The following RYR2 variants were observed in gnomAD, a reference collection of about 807,000 sequenced individuals.
RYR2 encodes ryanodine receptor 2, also known as cardiac muscle ryanodine receptor-calcium release channel.
RYR2 carries 227 observed loss-of-function variants against 601.1 expected under a neutral mutation model. The ratio of observed to expected loss-of-function variants is 0.38; its 90% CI spans 0.34 to 0.42. The LOEUF (loss-of-function observed/expected upper bound fraction) is 0.42, where lower values mean the gene tolerates loss of function less well. RYR2 is among the 10% of genes least tolerant of loss of function. The pLI, the probability that RYR2 is intolerant of heterozygous loss-of-function variation, is 1.00. For synonymous variants in RYR2, 2,223 were observed against 2,175.1 expected, an observed-to-expected ratio of 1.02 and a Z score of -0.61; for missense variants, 4,646 against 6,156.5, an observed-to-expected ratio of 0.75 and a Z score of 8.21.
At position 237,698,966 on chromosome 1, in the gene RYR2, C is replaced by T. The variant is rs1022154690; in HGVS notation, c.9069C>T (p.Gly3023=). Reference sequence around the variant, plus strand: ...TACAGCATTTTGTTTCCTCTTTAGGCAATGATGCAACATCAATTGTCAACT... The same window carrying T: ...TACAGCATTTTGTTTCCTCTTTAGGTAATGATGCAACATCAATTGTCAACT... ...VLVRHRISLF[G]NDATSIVNCL... Residue 3023 remains glycine, a splice_region_variant and synonymous_variant, in exon 64 of 105, where the codon GGC becomes GGT. Coordinates refer to ENST00000366574, the MANE Select transcript of RYR2 (RefSeq NM_001035.3). The T allele has an allele frequency of 6.5e-7, 1 of 1,538,566 alleles. No individual in the cohort carries two copies. Among genetic ancestry groups the T allele is most frequent in the East Asian group, 2.4e-5 (1 of 42,128 alleles).
At chr1:237,821,521 CA>C (rs1291375844) in intron 101 of RYR2, among the ~76,000 whole-genome samples, 1 of 152,114 alleles carries the variant, frequency 6.6e-6, no homozygotes, top group Non-Finnish European at 1.5e-5. Flanking sequence ...ATCCGAAGGT[CA>C]CCAATATCAA....
intron 11 of RYR2, among the ~76,000 whole-genome samples, chr1:237,419,051 A>C (rs1705290374): frequency 6.6e-6 from 1 of 152,008 alleles, no homozygotes; most frequent in Non-Finnish European, 1.5e-5. Flanking sequence ...ATATTTTTTT[A>C]CATTGTGTAT....
At chr1:237,487,848 T>G (rs1662868679) in intron 17 of RYR2, among the ~76,000 whole-genome samples, 1 of 151,854 alleles carries the variant, frequency 6.6e-6, no homozygotes, top group Non-Finnish European at 1.5e-5. Flanking sequence ...TTCTCTGACT[T>G]TATTGTTATA....
At chr1:237,167,154 A>T (rs1218664757) in intron 1 of RYR2, among the ~76,000 whole-genome samples, 1 of 152,222 alleles carries the variant, frequency 6.6e-6, no homozygotes, top group Non-Finnish European at 1.5e-5. Context: ...ATCTGCAGTG[A>T]TGTTCTTGGT....
chr1:237,767,288 GA>G (rs1252721195), intron 84 of RYR2, among the ~76,000 whole-genome samples: 1 of 152,148 alleles, frequency 6.6e-6, no homozygotes, highest in Non-Finnish European at 1.5e-5. Context: ...ATTAGTTACT[GA>G]TGGTAACTTT....
intron 16 of RYR2, among the ~76,000 whole-genome samples, chr1:237,466,361 T>A (rs1660086160): frequency 6.6e-6 from 1 of 152,062 alleles, no homozygotes; most frequent in Non-Finnish European, 1.5e-5. Flanking sequence ...ACAGACTGGG[T>A]CATGCTATGT....
At position 237,733,776 on chromosome 1, in the gene RYR2, G is replaced by C; in HGVS notation, c.11091+20G>C. The C allele has an allele frequency of 1.3e-6, 2 of 1,500,832 alleles. No homozygotes were observed. Among genetic ancestry groups the C allele is most frequent in the Non-Finnish European group, 9.3e-7 (1 of 1,079,014 alleles). The allele number at this position is 1,500,832 out of a possible 1,614,324, so 93.0% of individuals were successfully genotyped here. ...GCAAAGGTAAATAAGTATCCTTCCT[G>C]ATTTTCATGTTTAATTTTAATAAAG... On this transcript the variant is annotated intron_variant, in intron 79 of 104. Transcript: ENST00000366574.
chr1:237,679,150 C>T (rs1013517742), intron 61 of RYR2, among the ~76,000 whole-genome samples: 4 of 152,226 alleles, frequency 2.6e-5, no homozygotes, highest in Admixed American at 2.0e-4. Context: ...TATATATCTC[C>T]GGTCTCTGTG....
At chr1:237,049,230 G>A (rs1164454768) in intron 1 of RYR2, among the ~76,000 whole-genome samples, 2 of 152,184 alleles carry the variant, frequency 1.3e-5, no homozygotes, top group African/African-American at 4.8e-5. Flanking sequence ...GATTAGGGCT[G>A]CCCAAAAGAA....
chr1:237,102,693 T>A (rs1668249706), intron 1 of RYR2, among the ~76,000 whole-genome samples: 1 of 152,012 alleles, frequency 6.6e-6, no homozygotes, highest in South Asian at 2.1e-4. Flanking sequence ...CCTTCTCTAC[T>A]AAAAATACAA....
chr1:237,760,831 T>TAATGAATGGAGACA (rs1693369025), intron 83 of RYR2, 124 bp from the exon 84 acceptor site: 6 of 677,684 alleles, frequency 8.9e-6, no homozygotes, highest in Admixed American at 2.8e-5. Context: ...TGGAGACATG[T>TAATGAATGGAGACA]TTTCAGTGTA....
chr1:237,303,287 G>C (rs891708185), intron 2 of RYR2, among the ~76,000 whole-genome samples: 2 of 137,910 alleles, frequency 1.5e-5, no homozygotes, highest in African/African-American at 5.9e-5. Context: ...TAGCTCTGCG[G>C]TTATCTTTTT....
rs961624678 is a variant in RYR2 at position 237,217,395 on chromosome 1, A to G, written c.49-53102A>G. 2.0e-5 allele frequency among the ~76,000 whole-genome samples: 3 copies of G among 151,406 alleles called. No homozygotes were observed. The South Asian group carries it at 6.3e-4, about 32-fold the overall frequency. ...TAAAGTGACCATAGGAATATTTGGGAAATTTTACTTTTGGATATCAGCTAG... is the reference window on the plus strand; with the variant it reads ...TAAAGTGACCATAGGAATATTTGGGGAATTTTACTTTTGGATATCAGCTAG... On this transcript the variant is annotated intron_variant, in intron 1 of 104. Transcript: ENST00000366574.
intron 29 of RYR2, among the ~76,000 whole-genome samples, chr1:237,578,325 T>A (rs1273966982): frequency 2.0e-5 from 3 of 152,134 alleles, no homozygotes; most frequent in African/African-American, 4.8e-5. Flanking sequence ...CAGGTACAGG[T>A]CATAGTAGTA....
At chr1:237,186,935 T>C (rs1423162904) in intron 1 of RYR2, among the ~76,000 whole-genome samples, 1 of 152,186 alleles carries the variant, frequency 6.6e-6, no homozygotes, top group Non-Finnish European at 1.5e-5. Flanking sequence ...GGCCTTGAGC[T>C]CCTTCCACTG....
At chr1:237,472,664 G>C (rs906447999) in intron 17 of RYR2, among the ~76,000 whole-genome samples, 1 of 142,852 alleles carries the variant, frequency 7.0e-6, no homozygotes, top group Admixed American at 7.4e-5. Flanking sequence ...TTTAGAATGT[G>C]TGATAGGATA....
Position 237,819,004 on chromosome 1 carries a change from C to A in RYR2, c.14434-32C>A. 6.3e-7 allele frequency: 1 copy of A among 1,587,482 alleles called. No individual in the cohort carries two copies. Among genetic ancestry groups the A allele is most frequent in the South Asian group, 1.1e-5 (1 of 87,754 alleles). ...CGAGAAAAAAAAATGGGTAATGTCC[C>A]TCCAAGAAGTGATACCATGTCTTTT... On this transcript the variant is annotated intron_variant, in intron 100 of 104. Transcript: ENST00000366574. This position sits in a 1 kb window ranked among gnomAD's most constrained non-coding sequence, Gnocchi z 4.0.
intron 3 of RYR2, among the ~76,000 whole-genome samples, chr1:237,346,408 A>C (rs1698320743): frequency 6.6e-6 from 1 of 150,908 alleles, no homozygotes; most frequent in Admixed American, 6.6e-5. Flanking sequence ...GGATTTGAAC[A>C]AATTCAGAAA....
chr1:237,307,269 T>C (rs1693972115), intron 2 of RYR2, among the ~76,000 whole-genome samples: 1 of 152,208 alleles, frequency 6.6e-6, no homozygotes, highest in Non-Finnish European at 1.5e-5. Flanking sequence ...GTAGGTGATT[T>C]ACTCCAGATC....
Sources: allele counts gnomAD v4.1 joint callset (sites outside exome capture counted in the v4.1 genomes callset), GRCh38; gene constraint gnomAD v4.1.1; non-coding constraint Gnocchi (gnomAD v3.1); transcripts MANE v1.5; gene names NCBI Gene and HGNC (gene_info 2026-07-23, HGNC 2026-07-21).